ATE1: variants seen among roughly 807,000 people sequenced by gnomAD.
ATE1 encodes arginyltransferase 1.
A neutral mutation model predicts 70.5 loss-of-function variants in ATE1; 36 were observed. The observed-to-expected ratio is 0.51, with a 90% CI of 0.39 to 0.67. The LOEUF is 0.67. Among genes scored for constraint, ATE1 ranks in the 30% least tolerant of loss-of-function variants. The pLI is 0.00. For missense variants in ATE1, 593 were observed against 629.5 expected, an observed-to-expected ratio of 0.94 and a Z score of 0.62; for synonymous variants, 232 against 219.3, an observed-to-expected ratio of 1.06 and a Z score of -0.51.
At chr10:121,808,683 A>C (rs1947196236) in intron 10 of ATE1, among the ~76,000 whole-genome samples, 1 of 152,248 alleles carries the variant, frequency 6.6e-6, no homozygotes, top group Non-Finnish European at 1.5e-5. Context: ...GAACAGGGCT[A>C]ACAGTGGTGA....
chr10:121,851,236 T>G (rs1055175780), intron 8 of ATE1, among the ~76,000 whole-genome samples: 1 of 148,386 alleles, frequency 6.7e-6, no homozygotes, highest in Non-Finnish European at 1.5e-5. Flanking sequence ...CCTGGCAACA[T>G]GACAAAACCC....
chr10:121,867,110 A>AATTCATTCATTCATTTGTTC (rs1178909354), intron 8 of ATE1, among the ~76,000 whole-genome samples: 1 of 152,128 alleles, frequency 6.6e-6, no homozygotes, highest in Non-Finnish European at 1.5e-5. Context: ...AGCCCCACCA[A>AATTCATTCATTCATTTGTTC]ATTCATTCAT....
At chr10:121,908,833 G>A (rs1373856729) in intron 5 of ATE1, among the ~76,000 whole-genome samples, 2 of 152,224 alleles carry the variant, frequency 1.3e-5, no homozygotes, top group Admixed American at 1.3e-4. Flanking sequence ...CCTAGAATCT[G>A]ATCAAGGCTC....
chr10:121,858,553 C>T (rs1346252149), intron 8 of ATE1, among the ~76,000 whole-genome samples: 1 of 149,664 alleles, frequency 6.7e-6, no homozygotes, highest in Non-Finnish European at 1.5e-5. Context: ...TCTTTGGATA[C>T]CCGAATAGTT....
chr10:121,906,371 T>TA (rs1428837376), intron 5 of ATE1, among the ~76,000 whole-genome samples: 1 of 151,916 alleles, frequency 6.6e-6, no homozygotes, highest in Non-Finnish European at 1.5e-5. Context: ...CTACTAAAAA[T>TA]ACAAAAAATT....
At chr10:121,809,961 C>T (rs1947255127) in intron 10 of ATE1, among the ~76,000 whole-genome samples, 1 of 151,188 alleles carries the variant, frequency 6.6e-6, no homozygotes, top group African/African-American at 2.4e-5. Context: ...CAAGAAAGAT[C>T]AACACTGAAC....
chr10:121,803,719 T>C (rs903000605), intron 10 of ATE1, among the ~76,000 whole-genome samples: 3 of 152,262 alleles, frequency 2.0e-5, no homozygotes, highest in Non-Finnish European at 4.4e-5. Flanking sequence ...TCTGGAGCCA[T>C]GATTTTTTCC....
intron 3 of ATE1, among the ~76,000 whole-genome samples, chr10:121,917,767 G>A (rs563244073): frequency 6.6e-6 from 1 of 152,300 alleles, no homozygotes; most frequent in East Asian, 1.9e-4. Flanking sequence ...AATGGGACAG[G>A]GGGGTTGGGG....
intron 7 of ATE1, among the ~76,000 whole-genome samples, chr10:121,871,854 A>G (rs1949873830): frequency 6.6e-6 from 1 of 152,234 alleles, no homozygotes; most frequent in South Asian, 2.1e-4. Context: ...TGCAAAATAT[A>G]CCAAAATTTT....
At chr10:121,813,818 T>C (rs958493889) in intron 10 of ATE1, among the ~76,000 whole-genome samples, 1 of 152,210 alleles carries the variant, frequency 6.6e-6, no homozygotes, top group African/African-American at 2.4e-5. Context: ...CCCAGCTCCC[T>C]GCTCTCTCAT....
At chr10:121,792,282 G>A (rs1455375063) in intron 10 of ATE1, among the ~76,000 whole-genome samples, 1 of 152,212 alleles carries the variant, frequency 6.6e-6, no homozygotes, top group Non-Finnish European at 1.5e-5. Context: ...GGAACAGTGG[G>A]ATGGATCAGA....
At chr10:121,885,548 T>A (rs1413244361) in intron 7 of ATE1, among the ~76,000 whole-genome samples, 1 of 109,378 alleles carries the variant, frequency 9.1e-6, no homozygotes, top group Non-Finnish European at 1.7e-5. Flanking sequence ...CCAGCCTGGG[T>A]GACAGCAAGA....
intron 11 of ATE1, among the ~76,000 whole-genome samples, chr10:121,747,899 G>T (rs7082764): frequency 0.01 from 1,575 of 152,246 alleles, 11 homozygotes; most frequent in African/African-American, 0.027. Context: ...GTCCATTTTG[G>T]ATATTTTAAT....
At chr10:121,768,682 G>A (rs976850288) in intron 11 of ATE1, among the ~76,000 whole-genome samples, 1 of 152,076 alleles carries the variant, frequency 6.6e-6, no homozygotes, top group East Asian at 1.9e-4. Context: ...CTTTTCTAGT[G>A]TCAATGTTTC....
intron 10 of ATE1, 147 bp from the exon 11 acceptor site, chr10:121,790,436 G>T: frequency 2.9e-6 from 3 of 1,048,554 alleles, no homozygotes; most frequent in Non-Finnish European, 2.6e-6. Context: ...CAACCCTGTA[G>T]CTGATAGTTT....
In ATE1 at chr10:121,742,900, C is replaced by T. The variant is rs985669157; in HGVS notation, c.*780G>A. The T allele has an allele frequency of 6.6e-6, 1 of 152,104 alleles. No homozygotes were observed. The highest frequency in any genetic ancestry group is 1.5e-5 in the Non-Finnish European group (1 of 68,024). 9.4% of individuals were successfully genotyped at this position (152,104 alleles called of 1,614,324 possible). On this transcript the variant is annotated 3_prime_UTR_variant, in exon 12 of 12. Transcript: ENST00000224652. ...GATGAGACTTAGATCAAGGCAGGAA[C>T]CAACATTTTTCTTTAAAAAAATTCA...
intron 8 of ATE1, among the ~76,000 whole-genome samples, chr10:121,863,215 A>G (rs1949537143): frequency 6.7e-6 from 1 of 149,478 alleles, no homozygotes; most frequent in Non-Finnish European, 1.5e-5. Context: ...ATTGTTATGA[A>G]ATGTCACTCT....
chr10:121,893,933 T>G (rs1233778894), intron 7 of ATE1, among the ~76,000 whole-genome samples: 5 of 150,558 alleles, frequency 3.3e-5, no homozygotes, highest in African/African-American at 9.8e-5. Context: ...AGGTCAGGAG[T>G]TCGAGACCAG....
At chr10:121,855,412 C>T (rs1949210742) in intron 8 of ATE1, among the ~76,000 whole-genome samples, 1 of 152,094 alleles carries the variant, frequency 6.6e-6, no homozygotes, top group Non-Finnish European at 1.5e-5. Flanking sequence ...GTTTGTTAGT[C>T]CTTTTGTTTG....
Sources: allele counts gnomAD v4.1 joint callset (sites outside exome capture counted in the v4.1 genomes callset), GRCh38; gene constraint gnomAD v4.1.1; transcripts MANE v1.5; gene names NCBI Gene and HGNC (gene_info 2026-07-23, HGNC 2026-07-21).